Variants in MED15 observed in about 807,000 individuals in gnomAD.
MED15 encodes mediator of RNA polymerase II transcription subunit 15.
Under a neutral mutation model 118.7 loss-of-function variants are expected in MED15, and 41 were observed. The ratio of observed to expected loss-of-function variants is 0.35; its 90% CI spans 0.27 to 0.45. MED15 has a LOEUF of 0.45. MED15 is among the 20% of genes least tolerant of loss of function. The pLI is 1.00. For missense variants in MED15, 740 were observed against 1,025.5 expected (o/e 0.72, Z 3.80); for synonymous variants, 436 against 413.9 (o/e 1.05, Z -0.65).
In MED15 at chr22:20,554,899, C is replaced by A. The variant is rs1203926982; in HGVS notation, c.239-37C>A. ...TTTGAGCCATGGTCAGTCTGGTAGG[C>A]CCTTTCCTGAGAAGCTCTGCCCTTG... On this transcript the variant is annotated intron_variant, in intron 4 of 17. Coordinates refer to ENST00000263205, the MANE Select transcript of MED15 (RefSeq NM_001003891.3). 5 of 1,559,108 alleles carry A rather than the reference C, an allele frequency of 3.2e-6. No individual in the cohort carries two copies. The South Asian group carries it at 4.8e-5, about 15-fold the overall frequency.
At chr22:20,574,955 C>T in intron 8 of MED15, 158 bp from the exon 9 acceptor site, 1 of 950,718 alleles carries the variant, frequency 1.1e-6, no homozygotes, top group East Asian at 2.4e-5. Context: ...TGGGCTTGAA[C>T]ATGTGGGTGG....
intron 7 of MED15, among the ~76,000 whole-genome samples, 192 bp downstream of exon 7, chr22:20,567,009 C>T (rs1020326586): frequency 3.9e-5 from 6 of 152,216 alleles, no homozygotes; most frequent in African/African-American, 1.4e-4. Flanking sequence ...ATTTTGTGTT[C>T]TGAGAGCTGC....
chr22:20,564,706 C>A lies in MED15; in HGVS notation c.690+18C>A. On this transcript the variant is annotated intron_variant, in intron 6 of 17. Transcript: ENST00000263205. ...AGCAACAGGTACCAGGTCCCCTGTT[C>A]CTGCTCTTGGCCTCCCTCCTGCAGC... 1 of 1,613,990 alleles carries A rather than the reference C, an allele frequency of 6.2e-7. No individual in the cohort carries two copies. The highest frequency in any genetic ancestry group is 1.1e-5 in the South Asian group (1 of 91,068).
intron 2 of MED15, among the ~76,000 whole-genome samples, chr22:20,537,673 G>A (rs1190663796): frequency 6.6e-6 from 1 of 152,282 alleles, no homozygotes; most frequent in African/African-American, 2.4e-5. Flanking sequence ...CACAGGTGGA[G>A]TGGAGAAGAA....
At chr22:20,561,049 T>C (rs2056220436) in intron 5 of MED15, among the ~76,000 whole-genome samples, 2 of 152,222 alleles carry the variant, frequency 1.3e-5, no homozygotes, top group South Asian at 4.1e-4. Context: ...TGATGAGGTT[T>C]ATACTTTAAG....
intron 8 of MED15, among the ~76,000 whole-genome samples, chr22:20,572,781 T>C (rs1365233895): frequency 6.6e-6 from 1 of 152,098 alleles, no homozygotes; most frequent in East Asian, 1.9e-4. Context: ...AAAAGTTAGC[T>C]GGGCGGAGTG....
At chr22:20,556,546 C>T (rs5758417) in intron 5 of MED15, among the ~76,000 whole-genome samples, 9,136 of 152,200 alleles carry the variant, frequency 0.06, 634 homozygotes, top group East Asian at 0.38. Flanking sequence ...GTGATCTTCT[C>T]TCCTGAGCCT....
At position 20,582,645 on chromosome 22, in the gene MED15, C is replaced by G; in HGVS notation, c.1307C>G (p.Pro436Arg). Residue 436 changes from proline (P) to arginine (R), a missense_variant, in exon 10 of 18, where the codon CCG (proline) becomes CGG (arginine). Coordinates refer to ENST00000263205, the MANE Select transcript of MED15 (RefSeq NM_001003891.3). ...AGCAGCCTCCCCATGCTGTCCTCGCCGTCACCGGGCCAGCAGGTGCAGACC... is the reference window on the plus strand; with the variant it reads ...AGCAGCCTCCCCATGCTGTCCTCGCGGTCACCGGGCCAGCAGGTGCAGACC... The part of the protein sequence containing the change: ...SQSSLPMLSS[P>R]SPGQQVQTPQ... The G allele has an allele frequency of 6.3e-7, 1 of 1,583,586 alleles. No individual in the cohort carries two copies. The highest frequency in any genetic ancestry group is 8.5e-7 in the Non-Finnish European group (1 of 1,171,416).
At chr22:20,557,630 T>C (rs2056070325) in intron 5 of MED15, among the ~76,000 whole-genome samples, 1 of 152,218 alleles carries the variant, frequency 6.6e-6, no homozygotes, top group African/African-American at 2.4e-5. Context: ...TGTATGAGTT[T>C]AGAATGCTCA....
chr22:20,576,112 G>C (rs1337501941), intron 9 of MED15, among the ~76,000 whole-genome samples: 1 of 152,210 alleles, frequency 6.6e-6, no homozygotes, highest in East Asian at 1.9e-4. Flanking sequence ...TTAACAAATA[G>C]TTACCACATG....
intron 1 of MED15, chr22:20,522,873 G>A (rs550832327): frequency 2.0e-5 from 3 of 152,288 alleles, no homozygotes; most frequent in Non-Finnish European, 4.4e-5. Flanking sequence ...CAGATGTGAA[G>A]GAAGACTGTG....
At chr22:20,532,724 G>A (rs917344838) in intron 1 of MED15, among the ~76,000 whole-genome samples, 4 of 152,176 alleles carry the variant, frequency 2.6e-5, no homozygotes, top group Non-Finnish European at 5.9e-5. Context: ...TTTGGTGGCC[G>A]CCTCATAGGC....
At chr22:20,517,583 C>T (rs2054298360) in intron 1 of MED15, among the ~76,000 whole-genome samples, 1 of 152,152 alleles carries the variant, frequency 6.6e-6, no homozygotes, top group Admixed American at 6.6e-5. Flanking sequence ...CCAGGTTGCA[C>T]TTGGTTTGTT....
chr22:20,521,851 G>T (rs987385575), intron 1 of MED15, among the ~76,000 whole-genome samples: 5 of 151,742 alleles, frequency 3.3e-5, no homozygotes, highest in Admixed American at 3.3e-4. Flanking sequence ...TCGGCCTCCA[G>T]AGTAGCTGGG....
chr22:20,556,445 C>T (rs1569216058), intron 5 of MED15, among the ~76,000 whole-genome samples: 3 of 151,988 alleles, frequency 2.0e-5, no homozygotes, highest in South Asian at 2.1e-4. Context: ...GGACTACAGG[C>T]GCCTGCCACC....
intron 1 of MED15, among the ~76,000 whole-genome samples, chr22:20,529,347 A>G (rs2054772046): frequency 6.6e-6 from 1 of 152,044 alleles, no homozygotes; most frequent in Admixed American, 6.6e-5. Context: ...TCCCTGGTTC[A>G]AGCGATTCTC....
In MED15 at chr22:20,566,284, C is replaced by T. The variant is rs542903756; in HGVS notation, c.691-183C>T. 4.6e-4 allele frequency among the ~76,000 whole-genome samples: 70 copies of T among 152,246 alleles called. No homozygotes were observed. In the South Asian group the frequency reaches 0.014, roughly 31 times the overall value. ...CGAACTCCTGACCTCAGGTGATCTGCCCGCCTCGGCCTCCCAAAGTGCTGG... is the reference window on the plus strand; with the variant it reads ...CGAACTCCTGACCTCAGGTGATCTGTCCGCCTCGGCCTCCCAAAGTGCTGG... On this transcript the variant is annotated intron_variant, in intron 6 of 17. Coordinates refer to ENST00000263205, the MANE Select transcript of MED15 (RefSeq NM_001003891.3).
chr22:20,545,611 T>C (rs1033532966), intron 2 of MED15, among the ~76,000 whole-genome samples: 1 of 152,024 alleles, frequency 6.6e-6, no homozygotes, highest in Non-Finnish European at 1.5e-5. Context: ...GCCTATTACA[T>C]ATATTTTTAA....
chr22:20,513,138 T>C (rs1432537649), intron 1 of MED15, among the ~76,000 whole-genome samples: 4 of 152,074 alleles, frequency 2.6e-5, no homozygotes, highest in Admixed American at 2.6e-4. Context: ...GTTGGTATGA[T>C]CATAGCTCAC....
Sources: allele counts gnomAD v4.1 joint callset (sites outside exome capture counted in the v4.1 genomes callset), GRCh38; gene constraint gnomAD v4.1.1; transcripts MANE v1.5; gene names NCBI Gene and HGNC (gene_info 2026-07-23, HGNC 2026-07-21).